Variants in PTPRN2 observed in about 807,000 individuals in gnomAD.
PTPRN2 encodes protein tyrosine phosphatase receptor type N2.
A neutral mutation model predicts 118.8 loss-of-function variants in PTPRN2; 74 were observed. That is an observed-to-expected ratio of 0.62 (90% confidence interval 0.52 to 0.76). PTPRN2 has a LOEUF of 0.76. Ranked by LOEUF, PTPRN2 falls within the 30% of genes least tolerant of loss-of-function variation. PTPRN2 has a pLI of 0.00. For synonymous variants in PTPRN2, 641 were observed against 608.0 expected, an observed-to-expected ratio of 1.05 and a Z score of -0.80; for missense variants, 1,481 against 1,394.4, an observed-to-expected ratio of 1.06 and a Z score of -0.99.
At chr7:157,723,996 C>G (rs10250647) in intron 12 of PTPRN2, among the ~76,000 whole-genome samples, 11,896 of 152,248 alleles carry the variant, frequency 0.078, 952 homozygotes, top group African/African-American at 0.2. Flanking sequence ...CTTCCCCCGT[C>G]TGAATCGCGC....
intron 1 of PTPRN2, among the ~76,000 whole-genome samples, chr7:158,556,929 C>T (rs1243554585): frequency 4.9e-5 from 7 of 143,024 alleles, no homozygotes; most frequent in African/African-American, 1.8e-4. Context: ...GCAGGTCAGG[C>T]GGCTCCCGCG....
intron 12 of PTPRN2, among the ~76,000 whole-genome samples, chr7:157,686,457 C>T (rs1000656792): frequency 6.6e-6 from 1 of 152,250 alleles, no homozygotes; most frequent in Non-Finnish European, 1.5e-5. Flanking sequence ...CTAGCCATGG[C>T]CTTTAAGAGA....
At chr7:158,505,525 G>T (rs1822679051) in intron 1 of PTPRN2, among the ~76,000 whole-genome samples, 1 of 152,200 alleles carries the variant, frequency 6.6e-6, no homozygotes, top group South Asian at 2.1e-4. Flanking sequence ...GCTGTCAACA[G>T]GCTCCTAAGG....
rs961703554 is a variant in PTPRN2 at position 157,587,908 on chromosome 7, G to A, written c.2496+7330C>T. Among the ~76,000 whole-genome samples, 17 of 150,506 alleles carry A rather than the reference G, an allele frequency of 1.1e-4. No individual in the cohort carries two copies. In the South Asian group the frequency reaches 2.1e-3, roughly 19 times the overall value. ...CTGGGTTCCCAAGGTGGCTGTCCCCGTGCCTGGGCTCCCGCGGTGGCTGTC... is the reference window on the plus strand; with the variant it reads ...CTGGGTTCCCAAGGTGGCTGTCCCCATGCCTGGGCTCCCGCGGTGGCTGTC... On this transcript the variant is annotated intron_variant, in intron 17 of 22. Transcript: ENST00000389418. The surrounding 1 kb of genome is among the most constrained non-coding windows in gnomAD (Gnocchi z 5.3).
At chr7:158,225,980 C>G (rs1328936720) in intron 3 of PTPRN2, among the ~76,000 whole-genome samples, 1 of 152,024 alleles carries the variant, frequency 6.6e-6, no homozygotes, top group Non-Finnish European at 1.5e-5. Flanking sequence ...TGCATCTGTG[C>G]ACAGTGGGGA....
intron 10 of PTPRN2, among the ~76,000 whole-genome samples, chr7:158,102,468 C>T (rs1359180986): frequency 6.6e-6 from 1 of 152,180 alleles, no homozygotes; most frequent in Non-Finnish European, 1.5e-5. Flanking sequence ...GGTACCCAGG[C>T]TGCTTCTTTT....
rs111839138 is a variant in PTPRN2 at position 158,316,123 on chromosome 7, C to T, written c.277+696G>A. On this transcript the variant is annotated intron_variant, in intron 3 of 22. Coordinates refer to ENST00000389418, the MANE Select transcript of PTPRN2 (RefSeq NM_002847.5). ...CCAGCCGCCGGGGGGCAGGTGGTTC[C>T]GCAGGCAGCTTCCCCTGTGGAAGGG... Among the ~76,000 whole-genome samples, 200 of 152,306 alleles carry T rather than the reference C, an allele frequency of 1.3e-3. 1 individual carries two copies. The highest frequency in any genetic ancestry group is 4.3e-3 in the African/African-American group (178 of 41,570).
chr7:158,352,499 AC>A (rs990542644), intron 2 of PTPRN2, among the ~76,000 whole-genome samples: 1 of 152,178 alleles, frequency 6.6e-6, no homozygotes, highest in African/African-American at 2.4e-5. Flanking sequence ...TGATGCCTGG[AC>A]CCTGAGGTGG....
intron 11 of PTPRN2, among the ~76,000 whole-genome samples, chr7:157,976,258 C>T (rs1585121505): frequency 1.3e-5 from 2 of 152,206 alleles, no homozygotes; most frequent in East Asian, 3.9e-4. Flanking sequence ...CTCGGCGATT[C>T]CCAGGAGGCG....
At chr7:158,492,144 G>A (rs770828718) in intron 1 of PTPRN2, among the ~76,000 whole-genome samples, 3 of 152,212 alleles carry the variant, frequency 2.0e-5, no homozygotes, top group Non-Finnish European at 2.9e-5. Context: ...CACAGAGAAG[G>A]AGCTGGGAGC....
chr7:157,749,973 G>A (rs879917680), intron 12 of PTPRN2, among the ~76,000 whole-genome samples: 1 of 151,514 alleles, frequency 6.6e-6, no homozygotes, highest in Non-Finnish European at 1.5e-5. Flanking sequence ...GCTGTGGGCT[G>A]TTCACGTGAT....
At chr7:157,885,665 G>C (rs1020002724) in intron 12 of PTPRN2, among the ~76,000 whole-genome samples, 16 of 152,236 alleles carry the variant, frequency 1.1e-4, no homozygotes, top group African/African-American at 3.9e-4. Context: ...CCAGGTAAAA[G>C]TTTCATATTC....
At chr7:157,840,288 CGTGTGACT>C (rs150301509) in intron 12 of PTPRN2, among the ~76,000 whole-genome samples, 3,906 of 103,860 alleles carry the variant, frequency 0.038, 174 homozygotes, top group South Asian at 0.16. Context: ...ACTGTGTGAC[CGTGTGACT>C]GTGTGACTGT....
At position 157,747,214 on chromosome 7, in the gene PTPRN2, G is replaced by C. The variant is rs867600584; in HGVS notation, c.1789-64277C>G. The stretch of plus-strand genomic sequence containing the variant: ...GGGTGATTCTGAGGCCTGCGTCCCT[G>C]AGCTGTGGGCTGTTGAGGTGATTCT... On this transcript the variant is annotated intron_variant, in intron 12 of 22. Coordinates refer to ENST00000389418, the MANE Select transcript of PTPRN2 (RefSeq NM_002847.5). 2.1e-4 allele frequency among the ~76,000 whole-genome samples: 28 copies of C among 132,414 alleles called. No homozygotes were observed. The East Asian group carries it at 2.8e-3, about 13-fold the overall frequency. The allele number at this position is 132,414 out of a possible 152,430, so 86.9% of individuals were successfully genotyped here. A position where few individuals can be genotyped will look rare whatever the true frequency, so the allele number is the denominator to read the frequency against.
chr7:157,895,812 C>T (rs559169427), intron 12 of PTPRN2, among the ~76,000 whole-genome samples: 14 of 152,204 alleles, frequency 9.2e-5, no homozygotes, highest in African/African-American at 3.1e-4. Context: ...AATGTTTACG[C>T]GTGCCCACTC....
At chr7:158,472,073 A>G (rs1478709370) in intron 2 of PTPRN2, among the ~76,000 whole-genome samples, 1 of 152,176 alleles carries the variant, frequency 6.6e-6, no homozygotes, top group East Asian at 1.9e-4. Flanking sequence ...CATTTCATGT[A>G]ATGCAATTAT....
At chr7:158,087,860 G>A (rs199939394) in intron 10 of PTPRN2, among the ~76,000 whole-genome samples, 943 of 19,926 alleles carry the variant, frequency 0.047, 28 homozygotes, top group Middle Eastern at 0.5. Context: ...CCCTGATGAA[G>A]GAGGGAGTCT....
intron 2 of PTPRN2, among the ~76,000 whole-genome samples, chr7:158,387,575 T>A (rs1586542299): frequency 6.6e-6 from 1 of 150,946 alleles, no homozygotes; most frequent in East Asian, 1.9e-4. Flanking sequence ...CCCTGTCAGC[T>A]CAGCTTGGCC....
chr7:158,053,577 A>G (rs1809493020), intron 11 of PTPRN2, among the ~76,000 whole-genome samples: 2 of 152,242 alleles, frequency 1.3e-5, no homozygotes, highest in South Asian at 4.1e-4. Context: ...GTGTTTTATA[A>G]ACACACGTAA....
Sources: allele counts gnomAD v4.1 joint callset (sites outside exome capture counted in the v4.1 genomes callset), GRCh38; gene constraint gnomAD v4.1.1; non-coding constraint Gnocchi (gnomAD v3.1); transcripts MANE v1.5; gene names NCBI Gene and HGNC (gene_info 2026-07-23, HGNC 2026-07-21).